Variants in ULK4 observed in about 807,000 individuals in gnomAD.
The protein encoded by ULK4 is unc-51 like kinase 4, also known as inactive serine/threonine-protein kinase ULK4.
Under a neutral mutation model 160.6 loss-of-function variants are expected in ULK4, and 133 were observed. That is an observed-to-expected ratio of 0.83 (90% CI 0.72 to 0.96). ULK4 has a LOEUF of 0.96. Among genes scored for constraint, ULK4 ranks in the 40% least tolerant of loss-of-function variants. The pLI is 0.00. For missense variants in ULK4, 1,580 were observed against 1,499.5 expected (o/e 1.05, Z -0.89); for synonymous variants, 534 against 539.8 (o/e 0.99, Z 0.15).
intron 35 of ULK4, among the ~76,000 whole-genome samples, chr3:41,281,706 C>A (rs2125695147): frequency 6.6e-6 from 1 of 152,288 alleles, no homozygotes; most frequent in East Asian, 1.9e-4. Flanking sequence ...ACTGAATGGG[C>A]AAAAACTGGA....
chr3:41,332,466 G>A (rs1399541421), intron 35 of ULK4, among the ~76,000 whole-genome samples: 3 of 152,158 alleles, frequency 2.0e-5, no homozygotes, highest in Non-Finnish European at 4.4e-5. Flanking sequence ...TGGCAGTCTT[G>A]ATGGGAAGCT....
chr3:41,436,245 G>C (rs1474986653), intron 34 of ULK4, among the ~76,000 whole-genome samples: 1 of 152,188 alleles, frequency 6.6e-6, no homozygotes, highest in Non-Finnish European at 1.5e-5. Flanking sequence ...GCGAGGCTAA[G>C]CTATGATGTT....
intron 32 of ULK4, among the ~76,000 whole-genome samples, chr3:41,521,987 G>A (rs2085945092): frequency 6.6e-6 from 1 of 152,074 alleles, no homozygotes; most frequent in Admixed American, 6.5e-5. Context: ...GTAGCTCTTT[G>A]TGGTTTTTAT....
chr3:41,665,804 C>T (rs1356637996), intron 29 of ULK4, among the ~76,000 whole-genome samples: 1 of 152,126 alleles, frequency 6.6e-6, no homozygotes. Context: ...ATCATTAGTT[C>T]CTTTCTCCAT....
At chr3:41,744,863 TTC>T (rs1470194348) in intron 22 of ULK4, among the ~76,000 whole-genome samples, 1 of 151,754 alleles carries the variant, frequency 6.6e-6, no homozygotes, top group African/African-American at 2.4e-5. Context: ...AGCAAGTGTG[TTC>T]TCTGACCATA....
At chr3:41,463,291 T>C (rs966924908) in intron 32 of ULK4, 38 bp from the exon 33 acceptor site, 5 of 1,596,370 alleles carry the variant, frequency 3.1e-6, no homozygotes, top group Non-Finnish European at 4.3e-6. Flanking sequence ...ACCTCATCAT[T>C]AAGTACACAA....
At chr3:41,411,821 C>T (rs1454523522) in intron 34 of ULK4, among the ~76,000 whole-genome samples, 1 of 152,108 alleles carries the variant, frequency 6.6e-6, no homozygotes, top group African/African-American at 2.4e-5. Context: ...CCCCGCCCCT[C>T]TTTTCGTGGA....
chr3:41,347,804 C>T (rs1199892430), intron 35 of ULK4, among the ~76,000 whole-genome samples: 1 of 152,124 alleles, frequency 6.6e-6, no homozygotes, highest in East Asian at 1.9e-4. Flanking sequence ...GCAAGGTAAC[C>T]CTTAGTATAT....
intron 33 of ULK4, among the ~76,000 whole-genome samples, chr3:41,460,721 T>C (rs1479850510): frequency 1.3e-5 from 2 of 152,202 alleles, no homozygotes; most frequent in African/African-American, 4.8e-5. Context: ...TTCTTGTTGC[T>C]GTTCATGATA....
chr3:41,374,585 C>T (rs1460816466), intron 35 of ULK4, among the ~76,000 whole-genome samples: 1 of 152,198 alleles, frequency 6.6e-6, no homozygotes, highest in Non-Finnish European at 1.5e-5. Context: ...TAAAATTCAA[C>T]ACCTCTTCAT....
chr3:41,778,194 C>T (rs1182895357), intron 21 of ULK4, among the ~76,000 whole-genome samples: 4 of 103,694 alleles, frequency 3.9e-5, no homozygotes, highest in Admixed American at 9.3e-5. Flanking sequence ...CAACAACAGA[C>T]AAACAGAGAG....
chr3:41,359,426 T>C (rs2081095701), intron 35 of ULK4, among the ~76,000 whole-genome samples: 1 of 152,192 alleles, frequency 6.6e-6, no homozygotes, highest in African/African-American at 2.4e-5. Flanking sequence ...CTGCAACGTT[T>C]AGAGACACCA....
intron 16 of ULK4, among the ~76,000 whole-genome samples, chr3:41,888,123 A>G (rs1213531930): frequency 1.3e-5 from 2 of 151,810 alleles, no homozygotes; most frequent in African/African-American, 4.9e-5. Flanking sequence ...AAAAATAATA[A>G]TAAAATAAAT....
intron 31 of ULK4, among the ~76,000 whole-genome samples, chr3:41,575,503 G>A (rs1168291430): frequency 6.6e-6 from 1 of 152,208 alleles, no homozygotes; most frequent in Non-Finnish European, 1.5e-5. Context: ...TGGAGGTATA[G>A]ATTTAAGCCC....
At chr3:41,958,947 G>A (rs1324083785) in intron 1 of ULK4, among the ~76,000 whole-genome samples, 3 of 152,132 alleles carry the variant, frequency 2.0e-5, no homozygotes, top group Non-Finnish European at 2.9e-5. Flanking sequence ...TTATTTATGG[G>A]CAGGGTGCAA....
chr3:41,909,575 C>T (rs1317576776), intron 11 of ULK4, among the ~76,000 whole-genome samples: 4 of 151,600 alleles, frequency 2.6e-5, no homozygotes, highest in Non-Finnish European at 4.4e-5. Context: ...ATTAGCCAAG[C>T]TTGGTGGCAC....
chr3:41,303,372 A>T (rs1357253751), intron 35 of ULK4, among the ~76,000 whole-genome samples: 1 of 152,238 alleles, frequency 6.6e-6, no homozygotes, highest in Non-Finnish European at 1.5e-5. Flanking sequence ...CTAGAGTATT[A>T]ATTCCACTTC....
At chr3:41,825,148 C>T (rs916523411) in intron 18 of ULK4, among the ~76,000 whole-genome samples, 14 of 152,108 alleles carry the variant, frequency 9.2e-5, no homozygotes, top group Non-Finnish European at 1.8e-4. Flanking sequence ...GACATCCACA[C>T]CAAAACCCCA....
intron 5 of ULK4, among the ~76,000 whole-genome samples, chr3:41,926,530 G>A (rs1470547575): frequency 6.6e-6 from 1 of 152,072 alleles, no homozygotes; most frequent in Non-Finnish European, 1.5e-5. Flanking sequence ...GCTAAAGAGG[G>A]TGGGTAACAA....
Sources: allele counts gnomAD v4.1 joint callset (sites outside exome capture counted in the v4.1 genomes callset), GRCh38; gene constraint gnomAD v4.1.1; transcripts MANE v1.5; gene names NCBI Gene and HGNC (gene_info 2026-07-23, HGNC 2026-07-21).